The following ANKRD45 variants were observed in gnomAD, a reference collection of about 807,000 sequenced individuals.
ANKRD45 encodes ankyrin repeat domain 45, also known as ankyrin repeat domain-containing protein 45.
ANKRD45 carries 21 observed loss-of-function variants against 28.1 expected under a neutral mutation model. The observed-to-expected ratio is 0.75, with a 90% CI of 0.53 to 1.08. The LOEUF is 1.08. Ranked by LOEUF, ANKRD45 falls within the 50% of genes least tolerant of loss-of-function variation. The pLI is 0.00. For synonymous variants in ANKRD45, 86 were observed against 103.9 expected (o/e 0.83, Z 1.05); for missense variants, 261 against 308.7 (o/e 0.85, Z 1.16).
the ANKRD45 span, among the ~76,000 whole-genome samples, chr1:173,702,495 G>A: frequency 6.6e-6 from 1 of 152,100 alleles, no homozygotes; most frequent in Non-Finnish European, 1.5e-5. Flanking sequence ...AGAGCCTTGG[G>A]GAACAACTAC....
chr1:173,641,891 T>C (rs1041639655), intron 3 of ANKRD45, among the ~76,000 whole-genome samples: 3 of 152,144 alleles, frequency 2.0e-5, no homozygotes, highest in African/African-American at 4.8e-5. Flanking sequence ...GGATAAACTA[T>C]ATTACAATCA....
chr1:173,694,811 A>G, the ANKRD45 span, among the ~76,000 whole-genome samples: 1 of 152,128 alleles, frequency 6.6e-6, no homozygotes. Context: ...GCGAACCTGC[A>G]GTATTTGGTT....
the ANKRD45 span, among the ~76,000 whole-genome samples, chr1:173,711,139 A>G: frequency 6.6e-6 from 1 of 152,248 alleles, no homozygotes; most frequent in Admixed American, 6.5e-5. Context: ...TTGAAAAACT[A>G]TAAGGTAAGC....
the ANKRD45 span, among the ~76,000 whole-genome samples, chr1:173,684,506 G>A: frequency 2.6e-5 from 4 of 152,136 alleles, no homozygotes; most frequent in African/African-American, 9.7e-5. Context: ...CACCTGACAA[G>A]AATAAGTACA....
Position 173,610,296 on chromosome 1 carries a change from G to A in ANKRD45, c.731-81C>T, listed in dbSNP as rs553655392. On this transcript the variant is annotated intron_variant, in intron 5 of 5. Coordinates refer to ENST00000333279, the MANE Select transcript of ANKRD45 (RefSeq NM_198493.3). The stretch of plus-strand genomic sequence containing the variant: ...ATGAAGCCAGTTTTTAAGACAATAA[G>A]AATGGAATAAATTAGATTGTCCCAG... 13 of 1,316,090 alleles carry A rather than the reference G, an allele frequency of 9.9e-6. No homozygotes were observed. In the South Asian group the frequency reaches 1.5e-4, roughly 16 times the overall value. 81.5% of individuals were successfully genotyped at this position (1,316,090 alleles called of 1,614,324 possible).
rs560987960 is a variant in ANKRD45 at position 173,609,241 on chromosome 1, T to C, written c.*904A>G. Reference sequence around the variant, plus strand: ...GTCAACTGACAAAGTATTACTGAATTACCCATTCCTTTTCCTTCTCCCCAT... The same window carrying C: ...GTCAACTGACAAAGTATTACTGAATCACCCATTCCTTTTCCTTCTCCCCAT... On this transcript the variant is annotated 3_prime_UTR_variant, in exon 6 of 6. Coordinates refer to ENST00000333279, the MANE Select transcript of ANKRD45 (RefSeq NM_198493.3). Among the ~76,000 whole-genome samples, 1 of 152,334 alleles carries C rather than the reference T, an allele frequency of 6.6e-6. No individual in the cohort carries two copies. Among genetic ancestry groups the C allele is most frequent in the Non-Finnish European group, 1.5e-5 (1 of 68,022 alleles).
At chr1:173,629,806 G>A (rs1419494830) in intron 3 of ANKRD45, among the ~76,000 whole-genome samples, 3 of 152,012 alleles carry the variant, frequency 2.0e-5, no homozygotes, top group African/African-American at 7.2e-5. Context: ...CAATATTCAA[G>A]TACTAGAAGA....
At chr1:173,697,892 C>A in the ANKRD45 span, among the ~76,000 whole-genome samples, 1 of 151,876 alleles carries the variant, frequency 6.6e-6, no homozygotes, top group Non-Finnish European at 1.5e-5. Flanking sequence ...AGAGTCAAGA[C>A]CCATCAGTGT....
chr1:173,697,893 C>T, the ANKRD45 span, among the ~76,000 whole-genome samples: 1,240 of 151,924 alleles, frequency 8.2e-3, 13 homozygotes, highest in African/African-American at 0.028. Flanking sequence ...GAGTCAAGAC[C>T]CATCAGTGTG....
At chr1:173,652,589 A>G (rs1669283873) in intron 2 of ANKRD45, among the ~76,000 whole-genome samples, 1 of 152,192 alleles carries the variant, frequency 6.6e-6, no homozygotes, top group African/African-American at 2.4e-5. Flanking sequence ...AAGCTTTGGT[A>G]TCAGGATGAC....
chr1:173,641,759 A>G (rs1668711210), intron 3 of ANKRD45, among the ~76,000 whole-genome samples: 1 of 152,194 alleles, frequency 6.6e-6, no homozygotes, highest in Non-Finnish European at 1.5e-5. Flanking sequence ...GTTTACATAG[A>G]TGCTATTGGG....
At chr1:173,686,821 A>G in the ANKRD45 span, among the ~76,000 whole-genome samples, 1 of 152,174 alleles carries the variant, frequency 6.6e-6, no homozygotes, top group Non-Finnish European at 1.5e-5. Context: ...GATAAGCTAA[A>G]TTTCACCTTT....
the ANKRD45 span, among the ~76,000 whole-genome samples, chr1:173,706,028 G>T: frequency 6.6e-6 from 1 of 152,054 alleles, no homozygotes; most frequent in Non-Finnish European, 1.5e-5. Context: ...CTTCCGGCTG[G>T]GCGCAGTGGC....
chr1:173,613,600 T>C (rs901839176), intron 5 of ANKRD45, among the ~76,000 whole-genome samples: 1 of 71,288 alleles, frequency 1.4e-5, no homozygotes, highest in Non-Finnish European at 2.5e-5. Flanking sequence ...GGGAGGGAGG[T>C]GGGGGGTCAG....
intron 3 of ANKRD45, among the ~76,000 whole-genome samples, chr1:173,637,315 T>C (rs1020834260): frequency 7.2e-5 from 11 of 152,318 alleles, no homozygotes; most frequent in Non-Finnish European, 1.3e-4. Flanking sequence ...TCAGAATAGA[T>C]AGTAACCTCT....
At chr1:173,648,033 C>T (rs1332789044) in intron 2 of ANKRD45, among the ~76,000 whole-genome samples, 1 of 152,072 alleles carries the variant, frequency 6.6e-6, no homozygotes, top group African/African-American at 2.4e-5. Context: ...ACCTCCGTGT[C>T]CCGGGTTCAA....
At position 173,669,837 on chromosome 1, in the gene ANKRD45, C is replaced by T. The variant is rs1185525425; in HGVS notation, c.-36G>A. On this transcript the variant is annotated 5_prime_UTR_variant, in exon 1 of 6. Coordinates refer to ENST00000333279, the MANE Select transcript of ANKRD45 (RefSeq NM_198493.3). ...CTCACCACACCCGGGCCCCGGCCTC[C>T]TCGGTTACCATAGCAACGGCGCAAC... 5.9e-6 allele frequency: 1 copy of T among 170,428 alleles called. No individual in the cohort carries two copies. The highest frequency in any genetic ancestry group is 1.4e-5 in the Non-Finnish European group (1 of 69,036). The allele number at this position is 170,428 out of a possible 1,614,324, so 10.6% of individuals were successfully genotyped here. A position where few individuals can be genotyped will look rare whatever the true frequency, so the allele number is the denominator to read the frequency against.
chr1:173,637,473 G>A (rs563912432), intron 3 of ANKRD45, among the ~76,000 whole-genome samples: 1 of 152,328 alleles, frequency 6.6e-6, no homozygotes, highest in African/African-American at 2.4e-5. Flanking sequence ...AAGCAAGCAT[G>A]AGGTCATAGC....
the ANKRD45 span, among the ~76,000 whole-genome samples, chr1:173,675,899 A>G: frequency 1.3e-5 from 2 of 152,192 alleles, no homozygotes; most frequent in East Asian, 3.9e-4. Context: ...CATAGAAGGA[A>G]TCTCAGATAT....
Sources: allele counts gnomAD v4.1 joint callset (sites outside exome capture counted in the v4.1 genomes callset), GRCh38; gene constraint gnomAD v4.1.1; transcripts MANE v1.5; gene names NCBI Gene and HGNC (gene_info 2026-07-23, HGNC 2026-07-21).